The following ITPR3 variants were observed in gnomAD, a reference collection of about 807,000 sequenced individuals.
The protein encoded by ITPR3 is inositol 1,4,5-trisphosphate receptor type 3.
In ITPR3, 173 loss-of-function variants were observed where a neutral mutation model predicts 293.2. The ratio of observed to expected loss-of-function variants is 0.59; its 90% CI spans 0.52 to 0.67. ITPR3 has a LOEUF of 0.67. Ranked by LOEUF, ITPR3 falls within the 30% of genes least tolerant of loss-of-function variation. The pLI, the probability that ITPR3 is intolerant of heterozygous loss-of-function variation, is 0.00. For synonymous variants in ITPR3, 1,295 were observed against 1,444.4 expected, an observed-to-expected ratio of 0.90 and a Z score of 2.35; for missense variants, 2,796 against 3,592.1, an observed-to-expected ratio of 0.78 and a Z score of 5.66.
rs1194696285 is a variant in ITPR3, at chr6:33,621,929, T to A, written c.89+238T>A. 1.3e-5 allele frequency among the ~76,000 whole-genome samples: 2 copies of A among 152,164 alleles called. No individual in the cohort carries two copies. The highest frequency in any genetic ancestry group is 4.8e-5 in the African/African-American group (2 of 41,446). On this transcript the variant is annotated intron_variant, in intron 1 of 57. Coordinates refer to ENST00000605930, the MANE Select transcript of ITPR3 (RefSeq NM_002224.4). This position sits in a 1 kb window ranked among gnomAD's most constrained non-coding sequence, Gnocchi z 7.7. ...GAGCCTCCCTCGGCGGCGCAGCCTC[T>A]ACCCTCCCGCGCACGCCTTTGGAGG...
intron 2 of ITPR3, among the ~76,000 whole-genome samples, chr6:33,641,527 T>A (rs1019820352): frequency 7.2e-5 from 11 of 152,314 alleles, no homozygotes; most frequent in African/African-American, 2.4e-4. Flanking sequence ...ATTCTGTTCC[T>A]GCTTCCATCA....
intron 1 of ITPR3, among the ~76,000 whole-genome samples, chr6:33,623,788 G>A (rs1440497586): frequency 1.3e-5 from 2 of 152,110 alleles, no homozygotes; most frequent in Non-Finnish European, 2.9e-5. Flanking sequence ...TGATCCTGGG[G>A]CAGATCCTGG....
intron 1 of ITPR3, among the ~76,000 whole-genome samples, chr6:33,640,130 C>T (rs543981284): frequency 6.6e-5 from 10 of 152,166 alleles, no homozygotes; most frequent in Non-Finnish European, 1.0e-4. Context: ...TCACCCACTG[C>T]CCATCCCATC....
Position 33,638,107 on chromosome 6 carries a change from G to A in ITPR3, c.90-2377G>A, listed in dbSNP as rs576386906. 2.0e-5 allele frequency among the ~76,000 whole-genome samples: 3 copies of A among 152,176 alleles called. No homozygotes were observed. The highest frequency in any genetic ancestry group is 4.4e-5 in the Non-Finnish European group (3 of 68,034). ...CACAACCTCTGCCTCCTGGGTTCAA[G>A]CGATTCTTCTGCCTCAGCTTCCTGT... is the stretch of plus-strand genomic sequence containing the variant. On this transcript the variant is annotated intron_variant, in intron 1 of 57. Coordinates refer to ENST00000605930, the MANE Select transcript of ITPR3 (RefSeq NM_002224.4). This position sits in a 1 kb window ranked among gnomAD's most constrained non-coding sequence, Gnocchi z 4.3.
In ITPR3 at chr6:33,692,222, G is replaced by A. The variant is rs564241832; in HGVS notation, c.7458+294G>A. 5.9e-5 allele frequency among the ~76,000 whole-genome samples: 9 copies of A among 152,348 alleles called. No homozygotes were observed. The highest frequency in any genetic ancestry group is 2.6e-4 in the Admixed American group (4 of 15,312). On this transcript the variant is annotated intron_variant, in intron 54 of 57. Transcript: ENST00000605930. The surrounding 1 kb of genome is among the most constrained non-coding windows in gnomAD (Gnocchi z 4.2). Reference sequence around the variant, plus strand: ...AGCCCACAGCAGGTGGGCAGAGGGCGGAGCTGAGTCAGCTTTATCAGGAGG... The same window carrying A: ...AGCCCACAGCAGGTGGGCAGAGGGCAGAGCTGAGTCAGCTTTATCAGGAGG...
At position 33,683,873 on chromosome 6, in the gene ITPR3, C is replaced by T; in HGVS notation, c.4789-147C>T. The T allele has an allele frequency of 1.2e-6, 1 of 839,168 alleles. No homozygotes were observed. Among genetic ancestry groups the T allele is most frequent in the Non-Finnish European group, 1.8e-6 (1 of 553,994 alleles). 52.0% of individuals were successfully genotyped at this position (839,168 alleles called of 1,614,324 possible). ...GGGCTCTGAGCAGACAGACATCACG[C>T]TGTGTTCAGGGTGTCTCTGTGGGTG... is the stretch of plus-strand genomic sequence containing the variant. On this transcript the variant is annotated intron_variant, in intron 35 of 57. Coordinates refer to ENST00000605930, the MANE Select transcript of ITPR3 (RefSeq NM_002224.4). The surrounding 1 kb of genome is among the most constrained non-coding windows in gnomAD (Gnocchi z 4.5).
intron 20 of ITPR3, 151 bp from the exon 21 acceptor site, chr6:33,671,014 T>A: frequency 7.3e-7 from 1 of 1,374,514 alleles, no homozygotes; most frequent in Non-Finnish European, 9.9e-7. Flanking sequence ...GGGAAAGGGC[T>A]GCCTCTCCCT....
At position 33,689,395 on chromosome 6, in the gene ITPR3, C is replaced by G; in HGVS notation, c.6852C>G (p.Ile2284Met). ...YYLGIGPTLN[I>M]LGALNLTNKI... ...TGGGCATCGGGCCCACACTCAACATCCTGGGTGCCCTCAATGTGAGTGCCA... is the reference window on the plus strand; with the variant it reads ...TGGGCATCGGGCCCACACTCAACATGCTGGGTGCCCTCAATGTGAGTGCCA... The change falls in exon 50 of 58, where the codon ATC becomes ATG. Residue 2284 changes from isoleucine (I) to methionine (M), a missense_variant. Transcript: ENST00000605930. 1 of 1,609,956 alleles carries G rather than the reference C, an allele frequency of 6.2e-7. No individual in the cohort carries two copies.
rs1763514273 is a variant in ITPR3 at position 33,624,708 on chromosome 6, G to A, written c.89+3017G>A. 1.3e-5 allele frequency among the ~76,000 whole-genome samples: 2 copies of A among 152,230 alleles called. 1 individual carries two copies. Among genetic ancestry groups the A allele is most frequent in the South Asian group, 4.1e-4 (2 of 4,834 alleles). On this transcript the variant is annotated intron_variant, in intron 1 of 57. Coordinates refer to ENST00000605930, the MANE Select transcript of ITPR3 (RefSeq NM_002224.4). The surrounding 1 kb of genome is among the most constrained non-coding windows in gnomAD (Gnocchi z 4.7). ...GGGCTAACCCAGTGCCCAGTGTGTG[G>A]GCCCCAGGAGGTACCCAGTAAGGGC...
chr6:33,686,478 C>T lies in ITPR3; in HGVS notation c.5938C>T (p.Pro1980Ser). ...CGCACTGATCCTCAATGACATCAGC[C>T]CCCTGTGCAAGTACCGCATGGATCT... ...ITALILNDIS[P>S]LCKYRMDLVL... Residue 1980 changes from proline to serine, a missense_variant, in exon 43 of 58, where the codon CCC becomes TCC. Transcript: ENST00000605930. 1 of 1,614,206 alleles carries T rather than the reference C, an allele frequency of 6.2e-7. No homozygotes were observed. The highest frequency in any genetic ancestry group is 1.7e-5 in the Admixed American group (1 of 60,032).
rs142858536 is a variant in ITPR3, at chr6:33,664,940, A to G, written c.1219A>G (p.Ile407Val). 105 of 1,591,358 alleles carry G rather than the reference A, an allele frequency of 6.6e-5. No homozygotes were observed. The African/African-American group carries it at 1.0e-3, about 16-fold the overall frequency. The change falls in exon 12 of 58, where the codon ATC becomes GTC. Residue 407 changes from isoleucine (I) to valine (V), a missense_variant. Coordinates refer to ENST00000605930, the MANE Select transcript of ITPR3 (RefSeq NM_002224.4). The surrounding 1 kb of genome is among the most constrained non-coding windows in gnomAD (Gnocchi z 4.4). ...TCAGAGCACCAATGTGCCCATTGAC[A>G]TCGAGGAGGAGCGGCCCATCCGGCT... ...WIQSTNVPID[I>V]EEERPIRLML...
Position 33,672,233 on chromosome 6 carries a change from C to T in ITPR3, c.2928+5C>T. The T allele has an allele frequency of 1.9e-6, 3 of 1,589,104 alleles. No homozygotes were observed. Among genetic ancestry groups the T allele is most frequent in the Non-Finnish European group, 2.6e-6 (3 of 1,166,248 alleles). ...AAGATCCTGGAAATCCTTCAGGTGC[C>T]TGGGCCAGGACCGTGTGGGAGGTGT... On this transcript the variant is annotated splice_donor_5th_base_variant and intron_variant, in intron 22 of 57. Coordinates refer to ENST00000605930, the MANE Select transcript of ITPR3 (RefSeq NM_002224.4). This position sits in a 1 kb window ranked among gnomAD's most constrained non-coding sequence, Gnocchi z 5.0.
rs544280557 is a variant in ITPR3 at position 33,667,985 on chromosome 6, C to G, written c.1886+21C>G. Reference sequence around the variant, plus strand: ...CCCAGGTGGGCCCGAACCCCCTCCCCGGCCGGCGCCTGCTCCTCCCTCCTC... The same window carrying G: ...CCCAGGTGGGCCCGAACCCCCTCCCGGGCCGGCGCCTGCTCCTCCCTCCTC... On this transcript the variant is annotated intron_variant, in intron 16 of 57. Coordinates refer to ENST00000605930, the MANE Select transcript of ITPR3 (RefSeq NM_002224.4). This position sits in a 1 kb window ranked among gnomAD's most constrained non-coding sequence, Gnocchi z 4.4. 3.1e-6 allele frequency: 5 copies of G among 1,612,482 alleles called. No homozygotes were observed. Among genetic ancestry groups the G allele is most frequent in the Non-Finnish European group, 4.2e-6 (5 of 1,179,288 alleles).
At chr6:33,657,699 C>T (rs984178320) in intron 3 of ITPR3, among the ~76,000 whole-genome samples, 1 of 151,772 alleles carries the variant, frequency 6.6e-6, no homozygotes, top group Non-Finnish European at 1.5e-5. Context: ...GATTTGGCTC[C>T]CTGGGCTGTG....
chr6:33,628,849 A>G (rs956939001), intron 1 of ITPR3, among the ~76,000 whole-genome samples: 8 of 152,168 alleles, frequency 5.3e-5, no homozygotes, highest in Non-Finnish European at 2.9e-5. Flanking sequence ...TGCTCTCCCC[A>G]TCGCTCAGCC....
intron 1 of ITPR3, among the ~76,000 whole-genome samples, chr6:33,622,403 C>T (rs770612396): frequency 6.6e-6 from 1 of 152,194 alleles, no homozygotes; most frequent in African/African-American, 2.4e-5. Flanking sequence ...AATCAGTTCA[C>T]GTCCCTGGAG....
At position 33,691,165 on chromosome 6, in the gene ITPR3, AAT is replaced by A; in HGVS notation, c.7225+57_7225+58del. The A allele has an allele frequency of 6.4e-7, 1 of 1,563,974 alleles. No individual in the cohort carries two copies. Among genetic ancestry groups the A allele is most frequent in the Admixed American group, 1.7e-5 (1 of 59,066 alleles). On this transcript the variant is annotated intron_variant, in intron 52 of 57. Coordinates refer to ENST00000605930, the MANE Select transcript of ITPR3 (RefSeq NM_002224.4). This position sits in a 1 kb window ranked among gnomAD's most constrained non-coding sequence, Gnocchi z 4.9. ...GTGGGGAATGAGGTTGGGTCTCACA[AAT>A]GTCTGGCGTCAGGACCAGGACCTGC...
rs200131846 is a variant in ITPR3, at chr6:33,668,929, T to C, written c.2007-45T>C. The C allele has an allele frequency of 1.1e-4, 171 of 1,583,610 alleles. 1 individual carries two copies. The East Asian group carries it at 3.6e-3, about 34-fold the overall frequency. ...TGCTCAGGGAGGGGTCCAGGCGTAG[T>C]GCCCTGGACCTGGCTCCCTGTGACA... On this transcript the variant is annotated intron_variant, in intron 17 of 57. Coordinates refer to ENST00000605930, the MANE Select transcript of ITPR3 (RefSeq NM_002224.4).
Position 33,658,855 on chromosome 6 carries a change from GC to G in ITPR3, c.528+29del. ...TGAGGGCAGGGCCAGGGTTGGAGGG[GC>G]CTGGTGGAACTCCCGAGGGGCTTCT... On this transcript the variant is annotated intron_variant, in intron 5 of 57. Transcript: ENST00000605930. This position sits in a 1 kb window ranked among gnomAD's most constrained non-coding sequence, Gnocchi z 6.1. The G allele has an allele frequency of 1.2e-6, 2 of 1,612,854 alleles. No homozygotes were observed. The highest frequency in any genetic ancestry group is 2.2e-5 in the East Asian group (1 of 44,844).
Sources: gnomAD v4.1 joint callset for allele counts (sites outside exome capture counted in the v4.1 genomes callset) on GRCh38, gnomAD v4.1.1 for gene constraint, Gnocchi (gnomAD v3.1) non-coding constraint, MANE v1.5 for transcripts, NCBI Gene and HGNC (gene_info 2026-07-23, HGNC 2026-07-21) for gene names.